The following B4GALNT3 variants were observed in gnomAD, a reference collection of about 807,000 sequenced individuals.
B4GALNT3 encodes the protein beta-1,4-N-acetyl-galactosaminyltransferase 3.
B4GALNT3 carries 86 observed loss-of-function variants against 120.2 expected under a neutral mutation model. That is an observed-to-expected ratio of 0.72 (90% CI 0.60 to 0.86). The LOEUF (loss-of-function observed/expected upper bound fraction) is 0.86, where lower values mean the gene tolerates loss of function less well. Ranked by LOEUF, B4GALNT3 falls within the 40% of genes least tolerant of loss-of-function variation. The pLI is 0.00. For missense variants in B4GALNT3, 1,167 were observed against 1,298.9 expected (o/e 0.90, Z 1.56); for synonymous variants, 518 against 510.4 (o/e 1.01, Z -0.20).
Position 545,358 on chromosome 12 carries a change from C to T in B4GALNT3, c.539-11C>T, listed in dbSNP as rs372158921. 2 of 1,605,306 alleles carry T rather than the reference C, an allele frequency of 1.2e-6. No individual in the cohort carries two copies. The highest frequency in any genetic ancestry group is 1.7e-6 in the Non-Finnish European group (2 of 1,176,608). ...CCTTGCCCTCATCTGGAAACTCTCCCCGCTGCCCAGGGAAAATCCAGTTTG... is the reference window on the plus strand; with the variant it reads ...CCTTGCCCTCATCTGGAAACTCTCCTCGCTGCCCAGGGAAAATCCAGTTTG... On this transcript the variant is annotated splice_polypyrimidine_tract_variant and intron_variant, in intron 5 of 19. Transcript: ENST00000266383.
chr12:528,035 A>C (rs541358842), intron 1 of B4GALNT3, among the ~76,000 whole-genome samples: 1 of 152,142 alleles, frequency 6.6e-6, no homozygotes, highest in East Asian at 1.9e-4. Flanking sequence ...CCGGGTGATA[A>C]GATGGCAATA....
At chr12:541,851 A>T (rs61414747) in intron 3 of B4GALNT3, among the ~76,000 whole-genome samples, 2 of 56,802 alleles carry the variant, frequency 3.5e-5, no homozygotes, top group Admixed American at 1.7e-4. Context: ...ACCCCCCCCC[A>T]CCCCCCCCCA....
At chr12:509,041 C>T (rs1265135519) in intron 1 of B4GALNT3, among the ~76,000 whole-genome samples, 6 of 152,178 alleles carry the variant, frequency 3.9e-5, no homozygotes, top group Admixed American at 3.9e-4. Flanking sequence ...TTTTTCCTAC[C>T]CAGCAGGTGT....
At chr12:551,974 C>A (rs1186365156) in intron 11 of B4GALNT3, 89 bp from the exon 12 acceptor site, 10 of 1,039,426 alleles carry the variant, frequency 9.6e-6, no homozygotes, top group Non-Finnish European at 1.5e-5. Flanking sequence ...CCTATGTGAT[C>A]CCAGCCAGGG....
chr12:481,698 C>G (rs1386754590), intron 1 of B4GALNT3, among the ~76,000 whole-genome samples: 1 of 152,122 alleles, frequency 6.6e-6, no homozygotes, highest in Admixed American at 6.5e-5. Context: ...GTGGCTGGGC[C>G]CAGGCAGCTG....
rs779992594 is a variant in B4GALNT3, at chr12:461,331, AT to A, written c.169+789del. Among the ~76,000 whole-genome samples, 3 of 152,218 alleles carry A rather than the reference AT, an allele frequency of 2.0e-5. No homozygotes were observed. In the East Asian group the frequency reaches 5.8e-4, roughly 29 times the overall value. On this transcript the variant is annotated intron_variant, in intron 1 of 19. Transcript: ENST00000266383. Reference sequence around the variant, plus strand: ...TTTAACTTAGCCAAAGCCACTTAATATTTCCGTGCCTCAGTTTCCTCCTAGG... The same window carrying A: ...TTTAACTTAGCCAAAGCCACTTAATATTCCGTGCCTCAGTTTCCTCCTAGG...
chr12:553,184 T>C lies in B4GALNT3; in HGVS notation c.1271-10T>C. ...CTCTTGACATGAGGAATGGTTGTTA[T>C]TAATAGCAGGTTTTGAGGAAAACCT... On this transcript the variant is annotated splice_polypyrimidine_tract_variant and intron_variant, in intron 13 of 19. Transcript: ENST00000266383. 3 of 1,608,220 alleles carry C rather than the reference T, an allele frequency of 1.9e-6. No homozygotes were observed. Among genetic ancestry groups the C allele is most frequent in the Middle Eastern group, 1.7e-4 (1 of 6,050 alleles).
intron 1 of B4GALNT3, among the ~76,000 whole-genome samples, chr12:464,717 G>T (rs1205971675): frequency 6.6e-6 from 1 of 152,216 alleles, no homozygotes; most frequent in Admixed American, 6.5e-5. Flanking sequence ...AGGATGGCAT[G>T]TGCTGGCTCC....
intron 1 of B4GALNT3, among the ~76,000 whole-genome samples, chr12:511,431 TCTTCCAC>T (rs1356142602): frequency 0.084 from 4,037 of 47,826 alleles, 319 homozygotes; most frequent in Non-Finnish European, 0.1. Context: ...CCTTCCACCT[TCTTCCAC>T]CTTCCACCTT....
In B4GALNT3 at chr12:510,393, G is replaced by A. The variant is rs57794713; in HGVS notation, c.170-24773G>A. 4.8e-3 allele frequency among the ~76,000 whole-genome samples: 730 copies of A among 151,610 alleles called. 7 individuals are homozygous for A. The highest frequency in any genetic ancestry group is 0.016 in the African/African-American group (679 of 41,264). ...TGGGGTGAGAAAGCACAATGGGAAG[G>A]GCTAGCAGCTCCCCCGATCCTCTTC... On this transcript the variant is annotated intron_variant, in intron 1 of 19. Transcript: ENST00000266383.
rs10047648 is a variant in B4GALNT3, at chr12:478,815, C to T, written c.169+18270C>T. 4.8e-3 allele frequency among the ~76,000 whole-genome samples: 737 copies of T among 152,300 alleles called. 10 individuals are homozygous for T. The highest frequency in any genetic ancestry group is 0.017 in the African/African-American group (711 of 41,562). ...ACAGTACCCTGTTTTTACATAGAAC[C>T]TTTCTCCTGGGAAGTCACAGCTGTG... On this transcript the variant is annotated intron_variant, in intron 1 of 19. Coordinates refer to ENST00000266383, the MANE Select transcript of B4GALNT3 (RefSeq NM_173593.4).
Position 545,457 on chromosome 12 carries a change from C to G in B4GALNT3, c.627C>G (p.Ala209=). 1.9e-6 allele frequency: 3 copies of G among 1,604,722 alleles called. No homozygotes were observed. The highest frequency in any genetic ancestry group is 2.6e-6 in the Non-Finnish European group (3 of 1,176,426). The change falls in exon 6 of 20, where the codon GCC becomes GCG. Residue 209 remains alanine (A), a synonymous_variant. Transcript: ENST00000266383. ...DDQVSGLQLL[A]SVGKTGKEWT... is the part of the protein sequence containing the mutation. ...AGGTCTCAGGCCTCCAGCTGCTGGC[C>G]AGTGTGGGCAAGGTAAGGCCAGCTC... is the stretch of plus-strand genomic sequence containing the variant.
At chr12:475,033 G>A (rs1946170897) in intron 1 of B4GALNT3, among the ~76,000 whole-genome samples, 1 of 150,382 alleles carries the variant, frequency 6.6e-6, no homozygotes, top group African/African-American at 2.4e-5. Context: ...AGGATCACTT[G>A]AGCCCAGGAG....
At chr12:528,146 T>C (rs1273653345) in intron 1 of B4GALNT3, among the ~76,000 whole-genome samples, 1 of 152,230 alleles carries the variant, frequency 6.6e-6, no homozygotes, top group Non-Finnish European at 1.5e-5. Flanking sequence ...GGTCACCTAC[T>C]GCCTATGTGA....
At chr12:515,977 A>ACACAC (rs1555155734) in intron 1 of B4GALNT3, among the ~76,000 whole-genome samples, 8 of 151,540 alleles carry the variant, frequency 5.3e-5, no homozygotes, top group Non-Finnish European at 2.9e-5. Context: ...CTCTACTAAA[A>ACACAC]ACACACACAC....
At chr12:462,367 G>T (rs1294163312) in intron 1 of B4GALNT3, among the ~76,000 whole-genome samples, 2 of 148,858 alleles carry the variant, frequency 1.3e-5, no homozygotes, top group South Asian at 2.2e-4. Flanking sequence ...TTTTACCTCC[G>T]GTGTGTTTTC....
Position 460,709 on chromosome 12 carries a change from C to T in B4GALNT3, c.169+164C>T, listed in dbSNP as rs1057368983. On this transcript the variant is annotated intron_variant, in intron 1 of 19. Coordinates refer to ENST00000266383, the MANE Select transcript of B4GALNT3 (RefSeq NM_173593.4). This position sits in a 1 kb window ranked among gnomAD's most constrained non-coding sequence, Gnocchi z 8.0. ...GCGCGTACTCGGGGAGAGCTGCGGG[C>T]GGGGGAAGCCGCGGGGCCGAGCGCA... 1.3e-5 allele frequency among the ~76,000 whole-genome samples: 2 copies of T among 151,982 alleles called. No individual in the cohort carries two copies. The highest frequency in any genetic ancestry group is 2.9e-5 in the Non-Finnish European group (2 of 67,966).
intron 1 of B4GALNT3, among the ~76,000 whole-genome samples, chr12:525,404 C>T (rs954808116): frequency 9.2e-5 from 14 of 152,190 alleles, no homozygotes; most frequent in African/African-American, 3.1e-4. Flanking sequence ...CCACTGCGCT[C>T]GGCCAATAAC....
chr12:497,282 T>A (rs1946398468), intron 1 of B4GALNT3, among the ~76,000 whole-genome samples: 1 of 152,020 alleles, frequency 6.6e-6, no homozygotes, highest in South Asian at 2.1e-4. Context: ...GCCTCCTGAG[T>A]AGCTGGGATT....
Sources: gnomAD v4.1 joint callset for allele counts (sites outside exome capture counted in the v4.1 genomes callset) on GRCh38, gnomAD v4.1.1 for gene constraint, Gnocchi (gnomAD v3.1) non-coding constraint, MANE v1.5 for transcripts, NCBI Gene and HGNC (gene_info 2026-07-23, HGNC 2026-07-21) for gene names.